Variants in SCN1A observed in about 807,000 individuals in gnomAD.
The protein encoded by SCN1A is sodium channel protein type 1 subunit alpha.
SCN1A carries 13 observed loss-of-function variants against 193.7 expected under a neutral mutation model. The ratio of observed to expected loss-of-function variants is 0.07; its 90% CI spans 0.04 to 0.11. The LOEUF is 0.11. Ranked by LOEUF, SCN1A falls within the 10% of genes least tolerant of loss-of-function variation. The pLI, the probability that SCN1A is intolerant of heterozygous loss-of-function variation, is 1.00. For missense variants in SCN1A, 1,432 were observed against 2,451.1 expected (o/e 0.58, Z 8.78); for synonymous variants, 781 against 843.6 (o/e 0.93, Z 1.29).
At chr2:166,112,382 G>A (rs143836087) in intron 2 of SCN1A, among the ~76,000 whole-genome samples, 1 of 152,098 alleles carries the variant, frequency 6.6e-6, no homozygotes, top group Non-Finnish European at 1.5e-5. Context: ...TTAAATTAAG[G>A]TATGCACTTT....
At position 166,021,067 on chromosome 2, in the gene SCN1A, T is replaced by A. The variant is rs907798626; in HGVS notation, c.3430-5340A>T. On this transcript the variant is annotated intron_variant, in intron 19 of 28. Coordinates refer to ENST00000674923, the MANE Select transcript of SCN1A (RefSeq NM_001165963.4). ...TTAGATTTAAAAAATGGTATTCATA[T>A]TTGGCTTAAGCTCTACTTCGCAAGT... 4.6e-5 allele frequency among the ~76,000 whole-genome samples: 7 copies of A among 152,358 alleles called. No individual in the cohort carries two copies. The South Asian group carries it at 1.2e-3, about 27-fold the overall frequency.
intron 23 of SCN1A, among the ~76,000 whole-genome samples, chr2:166,003,623 G>T (rs188204622): frequency 1.3e-5 from 2 of 151,416 alleles, no homozygotes; most frequent in East Asian, 3.9e-4. Flanking sequence ...CATAGGGATG[G>T]CTTCCTTGCT....
intron 1 of SCN1A, among the ~76,000 whole-genome samples, chr2:166,142,626 C>A (rs931032471): frequency 6.6e-6 from 1 of 152,166 alleles, no homozygotes; most frequent in Non-Finnish European, 1.5e-5. Flanking sequence ...AGGTTGACAC[C>A]TGTTGTACTT....
At chr2:166,013,622 A>G in intron 21 of SCN1A, 122 bp downstream of exon 21, 2 of 822,676 alleles carry the variant, frequency 2.4e-6, no homozygotes, top group Non-Finnish European at 4.1e-6. Flanking sequence ...TATAGAAGAT[A>G]CAAGGTGGGA....
rs1322429990 is a variant in SCN1A, at chr2:166,036,391, T to C, written c.3086A>G (p.Lys1029Arg). The C allele has an allele frequency of 6.3e-7, 1 of 1,598,884 alleles. No individual in the cohort carries two copies. Reference protein sequence around the residue: ...MHKGVAYVKRKIYEFIQQSFI... With the variant: ...MHKGVAYVKRRIYEFIQQSFI... ...GGACTGTTGAATAAATTCATATATT[T>C]TTCTTTTCACATAAGCTACTCCTTT... The change falls in exon 19 of 29, where the codon AAA (lysine) becomes AGA (arginine). Residue 1029 changes from lysine to arginine, a missense_variant. This residue lies in a region of SCN1A where 198 missense variants were observed against 225.8 expected (regional missense o/e 0.88). Coordinates refer to ENST00000674923, the MANE Select transcript of SCN1A (RefSeq NM_001165963.4).
At chr2:166,072,171 A>T (rs1684496881) in intron 4 of SCN1A, among the ~76,000 whole-genome samples, 2 of 152,158 alleles carry the variant, frequency 1.3e-5, no homozygotes, top group Non-Finnish European at 2.9e-5. Flanking sequence ...GGTCCAACAA[A>T]AAAATTTACT....
intron 4 of SCN1A, chr2:166,060,239 G>C (rs1269338590): frequency 5.3e-5 from 8 of 152,166 alleles, no homozygotes; most frequent in Non-Finnish European, 1.2e-4. Flanking sequence ...AAAACAGATA[G>C]AGCTTTACCA....
intron 1 of SCN1A, among the ~76,000 whole-genome samples, chr2:166,141,547 A>T (rs1403672933): frequency 6.6e-6 from 1 of 152,094 alleles, no homozygotes; most frequent in Non-Finnish European, 1.5e-5. Flanking sequence ...TTTTAAAAAG[A>T]AAGAAAAACA....
intron 27 of SCN1A, among the ~76,000 whole-genome samples, chr2:165,994,799 C>T (rs1385734183): frequency 6.6e-6 from 1 of 151,648 alleles, no homozygotes; most frequent in Non-Finnish European, 1.5e-5. Flanking sequence ...CAATGATCAG[C>T]TGGACCATAC....
chr2:166,111,048 A>G lies in SCN1A; in HGVS notation c.-142+15876T>C, dbSNP rs561631447. Among the ~76,000 whole-genome samples, 14 of 152,238 alleles carry G rather than the reference A, an allele frequency of 9.2e-5. No homozygotes were observed. In the South Asian group the frequency reaches 1.0e-3, roughly 11 times the overall value. The stretch of plus-strand genomic sequence containing the variant: ...CTTTATAAATTAGCCAGTCTCGGGT[A>G]TGTCTTTATTAGTAGGGTGAGAACA... On this transcript the variant is annotated intron_variant, in intron 2 of 28. Transcript: ENST00000674923.
At position 166,057,129 on chromosome 2, in the gene SCN1A, C is replaced by T. The variant is rs528012718; in HGVS notation, c.384-629G>A. ...GGAATGTAATTAAAATTCAACATAGCAAAGTGATGTTGGCCAAGAGACTCA... is the reference window on the plus strand; with the variant it reads ...GGAATGTAATTAAAATTCAACATAGTAAAGTGATGTTGGCCAAGAGACTCA... On this transcript the variant is annotated intron_variant, in intron 5 of 28. Transcript: ENST00000674923. Among the ~76,000 whole-genome samples the T allele has an allele frequency of 2.8e-4, 42 of 152,114 alleles. No individual in the cohort carries two copies. In the South Asian group the frequency reaches 2.9e-3, roughly 11 times the overall value.
chr2:166,047,833 T>G, intron 10 of SCN1A, 65 bp from the exon 11 acceptor site: 1 of 1,591,292 alleles, frequency 6.3e-7, no homozygotes, highest in Non-Finnish European at 8.6e-7. Flanking sequence ...GATACTATGC[T>G]ATGATATTGC....
intron 2 of SCN1A, among the ~76,000 whole-genome samples, chr2:166,082,357 C>T (rs1460180317): frequency 6.6e-6 from 1 of 151,932 alleles, no homozygotes; most frequent in East Asian, 1.9e-4. Flanking sequence ...CCAGTGTCTG[C>T]CAGGTCCTAA....
At chr2:166,038,281 C>T (rs1373729641) in intron 17 of SCN1A, 149 bp from the exon 18 acceptor site, 1 of 638,596 alleles carries the variant, frequency 1.6e-6, no homozygotes. Flanking sequence ...TTTTTGGACT[C>T]CCTAGGAAAA....
Position 166,099,211 on chromosome 2 carries a change from G to A in SCN1A, c.-141-21410C>T, listed in dbSNP as rs185407119. Among the ~76,000 whole-genome samples, 237 of 151,762 alleles carry A rather than the reference G, an allele frequency of 1.6e-3. 4 individuals carry two copies. The East Asian group carries it at 0.029, about 19-fold the overall frequency. Reference sequence around the variant, plus strand: ...GGGATGCAAGGCTGGTTCAATATACGCAAATCAATAAATGTAATCCAGCAT... The same window carrying A: ...GGGATGCAAGGCTGGTTCAATATACACAAATCAATAAATGTAATCCAGCAT... On this transcript the variant is annotated intron_variant, in intron 2 of 28. Coordinates refer to ENST00000674923, the MANE Select transcript of SCN1A (RefSeq NM_001165963.4).
In SCN1A at chr2:165,989,509, G is replaced by A. The variant is rs1460154844; in HGVS notation, c.*1736C>T. The A allele has an allele frequency of 6.6e-6, 1 of 152,132 alleles. No individual in the cohort carries two copies. Among genetic ancestry groups the A allele is most frequent in the Non-Finnish European group, 1.5e-5 (1 of 67,992 alleles). 9.4% of individuals were successfully genotyped at this position (152,132 alleles called of 1,614,324 possible). On this transcript the variant is annotated 3_prime_UTR_variant, in exon 29 of 29. Coordinates refer to ENST00000674923, the MANE Select transcript of SCN1A (RefSeq NM_001165963.4). ...CACTACCTTCAATTCAGTTAGTGCAGGTACTACCAGAAATATAAATAAAAT... is the reference window on the plus strand; with the variant it reads ...CACTACCTTCAATTCAGTTAGTGCAAGTACTACCAGAAATATAAATAAAAT...
chr2:166,133,176 G>A (rs921611705), intron 1 of SCN1A, among the ~76,000 whole-genome samples: 1 of 152,124 alleles, frequency 6.6e-6, no homozygotes, highest in Non-Finnish European at 1.5e-5. Flanking sequence ...AAGGAGGGAA[G>A]TTGTGGGATT....
At chr2:166,020,067 T>C (rs890373573) in intron 19 of SCN1A, among the ~76,000 whole-genome samples, 8 of 152,010 alleles carry the variant, frequency 5.3e-5, no homozygotes, top group African/African-American at 1.7e-4. Context: ...CCCGCCACCA[T>C]GCCCGGCTAA....
intron 2 of SCN1A, among the ~76,000 whole-genome samples, chr2:166,090,029 C>CTTTTTTTTTTTTTTTT (rs545740675): frequency 1.4e-5 from 1 of 71,382 alleles, no homozygotes; most frequent in Non-Finnish European, 2.6e-5. Flanking sequence ...TCCTTCTTTC[C>CTTTTTTTTTTTTTTTT]TTTTTTTTTT....
Sources: gnomAD v4.1 joint callset for allele counts (sites outside exome capture counted in the v4.1 genomes callset) on GRCh38, gnomAD v4.1.1 for gene constraint, gnomAD v4.1.1 regional missense constraint, MANE v1.5 for transcripts, NCBI Gene and HGNC (gene_info 2026-07-23, HGNC 2026-07-21) for gene names.